Variants in FBN1 observed in about 807,000 individuals in gnomAD.
FBN1 encodes fibrillin 1, also known as fibrillin-1.
A neutral mutation model predicts 365.1 loss-of-function variants in FBN1; 29 were observed. The ratio of observed to expected loss-of-function variants is 0.08; its 90% CI spans 0.06 to 0.11. The LOEUF is 0.11. Among genes scored for constraint, FBN1 ranks in the 10% least tolerant of loss-of-function variants. FBN1 has a pLI of 1.00. For missense variants in FBN1, 2,476 were observed against 3,703.2 expected (o/e 0.67, Z 8.60); for synonymous variants, 1,210 against 1,270.5 (o/e 0.95, Z 1.01).
At chr15:48,564,031 CCTTT>C (rs1026551696) in intron 6 of FBN1, among the ~76,000 whole-genome samples, 1 of 152,072 alleles carries the variant, frequency 6.6e-6, no homozygotes, top group Non-Finnish European at 1.5e-5. Flanking sequence ...TGCACTTCAC[CCTTT>C]CTCTTTCCAA....
In FBN1 at chr15:48,644,277, T is replaced by G. The variant is rs1890250292; in HGVS notation, c.164+329A>C. 7 of 337,076 alleles carry G rather than the reference T, an allele frequency of 2.1e-5. No homozygotes were observed. The South Asian group carries it at 3.0e-4, about 14-fold the overall frequency. 20.9% of individuals were successfully genotyped at this position (337,076 alleles called of 1,614,324 possible). A position where few individuals can be genotyped will look rare whatever the true frequency, so the allele number is the denominator to read the frequency against. Reference sequence around the variant, plus strand: ...CTCTAGAAACAACCAGAATTGATATTGCAGGGAAAGGAACGGGCTTCTCCT... The same window carrying G: ...CTCTAGAAACAACCAGAATTGATATGGCAGGGAAAGGAACGGGCTTCTCCT... On this transcript the variant is annotated intron_variant, in intron 2 of 65. Transcript: ENST00000316623.
intron 2 of FBN1, among the ~76,000 whole-genome samples, chr15:48,620,536 T>C (rs930289650): frequency 1.3e-5 from 2 of 152,186 alleles, no homozygotes; most frequent in African/African-American, 4.8e-5. Context: ...CAAATCTAGC[T>C]CCCCATGTTA....
chr15:48,428,527 G>A, intron 56 of FBN1, 56 bp from the exon 57 acceptor site: 1 of 1,601,780 alleles, frequency 6.2e-7, no homozygotes, highest in Non-Finnish European at 8.6e-7. Context: ...CCATTTTATA[G>A]AGGATGGAGC....
intron 63 of FBN1, among the ~76,000 whole-genome samples, chr15:48,418,614 A>G (rs2042918381): frequency 6.6e-6 from 1 of 152,174 alleles, no homozygotes; most frequent in Non-Finnish European, 1.5e-5. Context: ...TGCACTCTGG[A>G]GCAAATGACT....
At chr15:48,634,099 CT>C (rs1436283818) in intron 2 of FBN1, among the ~76,000 whole-genome samples, 1 of 152,172 alleles carries the variant, frequency 6.6e-6, no homozygotes, top group East Asian at 1.9e-4. Flanking sequence ...TAAGAAGGTC[CT>C]TTAAAAGTTA....
chr15:48,442,210 A>G (rs2043121380), intron 49 of FBN1, among the ~76,000 whole-genome samples: 2 of 152,150 alleles, frequency 1.3e-5, no homozygotes, highest in African/African-American at 4.8e-5. Context: ...ATTGTTCAGG[A>G]AGCAGAAATG....
chr15:48,452,443 A>T, intron 45 of FBN1, 119 bp downstream of exon 45: 3 of 1,222,214 alleles, frequency 2.5e-6, no homozygotes. Flanking sequence ...GAGTTCATCA[A>T]TCTAAATCTT....
intron 8 of FBN1, among the ~76,000 whole-genome samples, chr15:48,528,367 TGA>T (rs2043935321): frequency 6.6e-6 from 1 of 152,122 alleles, no homozygotes. Context: ...ACAATAATGA[TGA>T]GAGTTTGCAT....
In FBN1 at chr15:48,410,042, C is replaced by G. The variant is rs749224599; in HGVS notation, c.*948G>C. 2 of 152,584 alleles carry G rather than the reference C, an allele frequency of 1.3e-5. No homozygotes were observed. The highest frequency in any genetic ancestry group is 2.4e-5 in the African/African-American group (1 of 41,434). 9.5% of individuals were successfully genotyped at this position (152,584 alleles called of 1,614,324 possible). ...GCCTCCGGAATGGCCCCTCCAACCC[C>G]AAATCCATGCAAGAACACAAAGCCA... On this transcript the variant is annotated 3_prime_UTR_variant, in exon 66 of 66. Coordinates refer to ENST00000316623, the MANE Select transcript of FBN1 (RefSeq NM_000138.5).
intron 2 of FBN1, chr15:48,641,798 A>T (rs1472728879): frequency 6.6e-6 from 1 of 152,240 alleles, no homozygotes; most frequent in Non-Finnish European, 1.5e-5. Flanking sequence ...TTTTCTGATG[A>T]TTTATACAGC....
At chr15:48,628,300 GA>G (rs61447805) in intron 2 of FBN1, among the ~76,000 whole-genome samples, 2,728 of 117,452 alleles carry the variant, frequency 0.023, 67 homozygotes, top group African/African-American at 0.07. Flanking sequence ...ATTTCTTGAA[GA>G]AAAAAAAAAA....
chr15:48,521,787 T>G (rs2043857877), intron 9 of FBN1, among the ~76,000 whole-genome samples: 1 of 152,216 alleles, frequency 6.6e-6, no homozygotes, highest in Non-Finnish European at 1.5e-5. Context: ...AAACTATATC[T>G]CTACAGAGAT....
Position 48,411,391 on chromosome 15 carries a change from C to A in FBN1, c.8227-12G>T, listed in dbSNP as rs750277727. Reference sequence around the variant, plus strand: ...GTCTCAGACTGATCCTGGAAAGACACATGGCAATATGTTAAATACAATGTA... The same window carrying A: ...GTCTCAGACTGATCCTGGAAAGACAAATGGCAATATGTTAAATACAATGTA... On this transcript the variant is annotated splice_polypyrimidine_tract_variant and intron_variant, in intron 65 of 65. Transcript: ENST00000316623. 1 of 1,612,964 alleles carries A rather than the reference C, an allele frequency of 6.2e-7. No homozygotes were observed. The highest frequency in any genetic ancestry group is 8.5e-7 in the Non-Finnish European group (1 of 1,179,584).
At chr15:48,500,891 T>C (rs2043649085) in intron 17 of FBN1, among the ~76,000 whole-genome samples, 1 of 152,198 alleles carries the variant, frequency 6.6e-6, no homozygotes, top group South Asian at 2.1e-4. Flanking sequence ...TCAGATTTTG[T>C]ATATTTGGAG....
chr15:48,595,138 C>G (rs1198022534), intron 6 of FBN1, among the ~76,000 whole-genome samples: 1 of 152,152 alleles, frequency 6.6e-6, no homozygotes, highest in African/African-American at 2.4e-5. Context: ...AGTAATCGAC[C>G]TGGAATTTCT....
intron 6 of FBN1, among the ~76,000 whole-genome samples, chr15:48,593,601 G>A (rs905203994): frequency 6.6e-6 from 1 of 152,102 alleles, no homozygotes; most frequent in Non-Finnish European, 1.5e-5. Flanking sequence ...ATTTCCAGGA[G>A]ATACTTGTTC....
At chr15:48,636,574 T>C (rs1890096980) in intron 2 of FBN1, among the ~76,000 whole-genome samples, 1 of 152,126 alleles carries the variant, frequency 6.6e-6, no homozygotes, top group Non-Finnish European at 1.5e-5. Context: ...GGGGGCAGGT[T>C]CAGGCAGGAG....
chr15:48,611,714 G>A (rs1233094609), intron 3 of FBN1, among the ~76,000 whole-genome samples: 2 of 152,128 alleles, frequency 1.3e-5, no homozygotes, highest in Non-Finnish European at 2.9e-5. Flanking sequence ...ACCACCCAGA[G>A]ACTAATATCA....
At chr15:48,474,031 A>G (rs1288029515) in intron 34 of FBN1, among the ~76,000 whole-genome samples, 1 of 152,146 alleles carries the variant, frequency 6.6e-6, no homozygotes, top group Non-Finnish European at 1.5e-5. Context: ...CTAAATATCT[A>G]TCTATCTATC....
Sources: gnomAD v4.1 joint callset for allele counts (sites outside exome capture counted in the v4.1 genomes callset) on GRCh38, gnomAD v4.1.1 for gene constraint, MANE v1.5 for transcripts, NCBI Gene and HGNC (gene_info 2026-07-23, HGNC 2026-07-21) for gene names.